GRM5: variants seen among roughly 807,000 people sequenced by gnomAD.
The protein encoded by GRM5 is glutamate metabotropic receptor 5.
In GRM5, 19 loss-of-function variants were observed where a neutral mutation model predicts 83.1. That is an observed-to-expected ratio of 0.23 (90% CI 0.16 to 0.34). The LOEUF (loss-of-function observed/expected upper bound fraction) is 0.34. Among genes scored for constraint, GRM5 ranks in the 10% least tolerant of loss-of-function variants. GRM5 has a pLI of 1.00. For missense variants in GRM5, 1,160 were observed against 1,588.3 expected (o/e 0.73, Z 4.58); for synonymous variants, 675 against 633.6 (o/e 1.07, Z -0.98).
chr11:89,006,466 T>C (rs1475663107), intron 2 of GRM5, among the ~76,000 whole-genome samples: 1 of 152,114 alleles, frequency 6.6e-6, no homozygotes. Flanking sequence ...TTCTCCACCA[T>C]CCAGGCTGAA....
At chr11:88,989,784 G>C (rs928219411) in intron 2 of GRM5, among the ~76,000 whole-genome samples, 1 of 149,056 alleles carries the variant, frequency 6.7e-6, no homozygotes, top group Non-Finnish European at 1.5e-5. Context: ...CGAAATGAAG[G>C]CAGAAATAAA....
rs536149834 is a variant in GRM5 at position 88,504,671 on chromosome 11, T to C, written c.*3921A>G. On this transcript the variant is annotated 3_prime_UTR_variant, in exon 10 of 10. Coordinates refer to ENST00000305447, the MANE Select transcript of GRM5 (RefSeq NM_001143831.3). ...GACAACTGAGAAACAGGCAAGTATA[T>C]TTTGAAGTGCTAAAATAAAACATAT... is the stretch of plus-strand genomic sequence containing the variant. The C allele has an allele frequency of 2.0e-5, 3 of 152,230 alleles. No individual in the cohort carries two copies. In the South Asian group the frequency reaches 6.2e-4, roughly 32 times the overall value. 9.4% of individuals were successfully genotyped at this position (152,230 alleles called of 1,614,324 possible). A position where few individuals can be genotyped will look rare whatever the true frequency, so the allele number is the denominator to read the frequency against.
At chr11:88,566,281 C>T (rs1942872267) in intron 8 of GRM5, among the ~76,000 whole-genome samples, 1 of 152,052 alleles carries the variant, frequency 6.6e-6, no homozygotes, top group Admixed American at 6.5e-5. Flanking sequence ...TTTTGAAGTG[C>T]TTTGGGATCA....
intron 2 of GRM5, among the ~76,000 whole-genome samples, chr11:88,882,365 C>G (rs1944972086): frequency 6.8e-6 from 1 of 148,072 alleles, no homozygotes; most frequent in East Asian, 2.0e-4. Flanking sequence ...TCCTGGCTAA[C>G]ACGGTGAAAC....
intron 2 of GRM5, among the ~76,000 whole-genome samples, chr11:88,958,571 T>C (rs1423809699): frequency 6.6e-6 from 1 of 152,126 alleles, no homozygotes. Flanking sequence ...ATCTTTCATT[T>C]AGCATAAATT....
chr11:88,846,878 A>C (rs1226896887), intron 3 of GRM5, among the ~76,000 whole-genome samples: 1 of 152,182 alleles, frequency 6.6e-6, no homozygotes, highest in Non-Finnish European at 1.5e-5. Context: ...ATTAAAATTA[A>C]AAATTTGAAT....
chr11:88,729,908 A>T (rs1205101298), intron 3 of GRM5, among the ~76,000 whole-genome samples: 1 of 152,218 alleles, frequency 6.6e-6, no homozygotes, highest in Non-Finnish European at 1.5e-5. Flanking sequence ...TAAATGTAAG[A>T]CCTAAAATCA....
intron 2 of GRM5, among the ~76,000 whole-genome samples, chr11:88,863,125 G>A (rs541064303): frequency 2.6e-5 from 4 of 152,136 alleles, no homozygotes; most frequent in African/African-American, 9.6e-5. Flanking sequence ...ATGCTGGTGA[G>A]GTTGTGGAGA....
intron 2 of GRM5, among the ~76,000 whole-genome samples, chr11:89,014,716 G>A (rs1049279070): frequency 1.3e-5 from 2 of 152,162 alleles, no homozygotes; most frequent in East Asian, 3.9e-4. Context: ...AATGTTTGAT[G>A]GAATGGATAC....
chr11:88,816,057 C>A (rs1400474030), intron 3 of GRM5, among the ~76,000 whole-genome samples: 1 of 144,772 alleles, frequency 6.9e-6, no homozygotes, highest in African/African-American at 2.7e-5. Flanking sequence ...ACTAAAAATA[C>A]AAAAAATTAG....
At chr11:88,653,868 C>T (rs779429673) in intron 3 of GRM5, among the ~76,000 whole-genome samples, 1 of 151,800 alleles carries the variant, frequency 6.6e-6, no homozygotes, top group African/African-American at 2.4e-5. Context: ...TTTAATCATC[C>T]TGTGACACAA....
At chr11:88,989,677 C>T (rs11493151) in intron 2 of GRM5, among the ~76,000 whole-genome samples, 3,212 of 134,310 alleles carry the variant, frequency 0.024, 54 homozygotes, top group East Asian at 0.098. Context: ...GACCACAGTG[C>T]AATCAAACTA....
intron 3 of GRM5, among the ~76,000 whole-genome samples, chr11:88,728,987 A>G (rs1941744786): frequency 6.6e-6 from 1 of 152,062 alleles, no homozygotes; most frequent in African/African-American, 2.4e-5. Flanking sequence ...CTCTCTCACC[A>G]CTCCTATTCA....
At chr11:88,584,140 T>C (rs1943265778) in intron 7 of GRM5, among the ~76,000 whole-genome samples, 2 of 151,864 alleles carry the variant, frequency 1.3e-5, no homozygotes, top group African/African-American at 4.8e-5. Context: ...CAGAGAAAAG[T>C]ATATGGTATG....
chr11:88,613,139 G>T (rs551747270), intron 4 of GRM5, among the ~76,000 whole-genome samples: 21 of 152,246 alleles, frequency 1.4e-4, no homozygotes, highest in African/African-American at 4.8e-4. Flanking sequence ...TTAGAATTAT[G>T]TGCCATGTGC....
intron 8 of GRM5, among the ~76,000 whole-genome samples, chr11:88,566,661 T>G (rs929548042): frequency 4.6e-5 from 7 of 152,180 alleles, no homozygotes; most frequent in African/African-American, 1.7e-4. Flanking sequence ...TTGCTCTCAG[T>G]ATAATCTTTG....
chr11:88,764,109 G>A (rs1942581387), intron 3 of GRM5, among the ~76,000 whole-genome samples: 1 of 151,628 alleles, frequency 6.6e-6, no homozygotes, highest in African/African-American at 2.4e-5. Context: ...ATTTGAAAGT[G>A]TCACATGAGA....
intron 3 of GRM5, among the ~76,000 whole-genome samples, chr11:88,699,833 G>C (rs1178205539): frequency 6.6e-6 from 1 of 152,104 alleles, no homozygotes; most frequent in Non-Finnish European, 1.5e-5. Flanking sequence ...GACACCTGTG[G>C]CTGCATGAGA....
intron 3 of GRM5, among the ~76,000 whole-genome samples, chr11:88,796,409 A>G (rs1230656532): frequency 6.6e-6 from 1 of 152,220 alleles, no homozygotes; most frequent in African/African-American, 2.4e-5. Flanking sequence ...TAAGTGAATT[A>G]AATTTTTATA....
Sources: gnomAD v4.1 joint callset for allele counts (sites outside exome capture counted in the v4.1 genomes callset) on GRCh38, gnomAD v4.1.1 for gene constraint, MANE v1.5 for transcripts, NCBI Gene and HGNC (gene_info 2026-07-23, HGNC 2026-07-21) for gene names.